CNTN5: variants seen among roughly 807,000 people sequenced by gnomAD.
The protein encoded by CNTN5 is contactin-5.
CNTN5 carries 77 observed loss-of-function variants against 129.1 expected under a neutral mutation model. That is an observed-to-expected ratio of 0.60 (90% CI 0.50 to 0.72). The LOEUF (loss-of-function observed/expected upper bound fraction) is 0.72. CNTN5 is among the 30% of genes least tolerant of loss of function. The pLI is 0.00. For missense variants in CNTN5, 1,478 were observed against 1,328.8 expected (o/e 1.11, Z -1.75); for synonymous variants, 509 against 465.6 (o/e 1.09, Z -1.20).
At chr11:99,233,092 C>T (rs571917073) in intron 1 of CNTN5, among the ~76,000 whole-genome samples, 7 of 152,230 alleles carry the variant, frequency 4.6e-5, no homozygotes, top group Non-Finnish European at 7.4e-5. Context: ...TTACCTGTAG[C>T]GGGCCTTCAA....
At chr11:100,022,339 T>G (rs1056110869) in intron 9 of CNTN5, among the ~76,000 whole-genome samples, 7 of 152,220 alleles carry the variant, frequency 4.6e-5, no homozygotes, top group African/African-American at 1.7e-4. Context: ...CTTAAAGTAG[T>G]TATTGACATG....
intron 20 of CNTN5, among the ~76,000 whole-genome samples, chr11:100,305,270 T>A (rs998733018): frequency 2.0e-5 from 3 of 151,484 alleles, no homozygotes; most frequent in African/African-American, 7.3e-5. Flanking sequence ...AACAGGTCCA[T>A]TACTCCAAAG....
At chr11:99,730,394 A>T (rs1249293348) in intron 3 of CNTN5, among the ~76,000 whole-genome samples, 1 of 152,224 alleles carries the variant, frequency 6.6e-6, no homozygotes, top group East Asian at 1.9e-4. Flanking sequence ...AGAATACTAT[A>T]TTAACTTCGT....
intron 3 of CNTN5, among the ~76,000 whole-genome samples, chr11:99,710,887 A>G (rs1334242639): frequency 1.3e-5 from 2 of 151,928 alleles, no homozygotes; most frequent in Non-Finnish European, 2.9e-5. Flanking sequence ...CATATTTAGA[A>G]CATAACTAAA....
intron 3 of CNTN5, among the ~76,000 whole-genome samples, chr11:99,611,136 C>T (rs748170829): frequency 6.6e-6 from 1 of 152,166 alleles, no homozygotes; most frequent in Non-Finnish European, 1.5e-5. Context: ...CTTAGGCTGT[C>T]ATTTTCCTAT....
chr11:100,355,749 T>C (rs1324815586), intron 24 of CNTN5, among the ~76,000 whole-genome samples: 1 of 151,720 alleles, frequency 6.6e-6, no homozygotes, highest in Non-Finnish European at 1.5e-5. Context: ...TGACTGTAAA[T>C]TATGAATTCA....
At chr11:100,297,604 T>C (rs1342806085) in intron 18 of CNTN5, 21 bp from the exon 19 acceptor site, 1 of 1,592,458 alleles carries the variant, frequency 6.3e-7, no homozygotes, top group African/African-American at 1.3e-5. Flanking sequence ...CTCCTCACTC[T>C]CCACCCATTT....
chr11:99,872,977 G>A (rs964737684), intron 6 of CNTN5, among the ~76,000 whole-genome samples: 1 of 152,012 alleles, frequency 6.6e-6, no homozygotes, highest in African/African-American at 2.4e-5. Flanking sequence ...TTGGTAACAG[G>A]CTGTGTCCAC....
rs200990343 is a variant in CNTN5 at position 99,792,569 on chromosome 11, G to C, written c.56-26975G>C. The stretch of plus-strand genomic sequence containing the variant: ...TGTGTGTGTGTGTGTGTGTGTGTGT[G>C]TGTGTGTCTGTCTGTCTGTCTGTCT... On this transcript the variant is annotated intron_variant, in intron 3 of 24. Coordinates refer to ENST00000524871, the MANE Select transcript of CNTN5 (RefSeq NM_014361.4). 1.7e-3 allele frequency among the ~76,000 whole-genome samples: 131 copies of C among 77,782 alleles called. 1 individual carries two copies. In the South Asian group the frequency reaches 0.024, roughly 14 times the overall value. 51.0% of individuals were successfully genotyped at this position (77,782 alleles called of 152,430 possible).
intron 21 of CNTN5, among the ~76,000 whole-genome samples, chr11:100,314,693 G>A (rs1030370622): frequency 9.2e-5 from 14 of 152,014 alleles, no homozygotes; most frequent in Admixed American, 5.2e-4. Flanking sequence ...GAGAGAAGAC[G>A]GCATCATTAA....
chr11:99,104,314 T>A (rs192170041), intron 1 of CNTN5, among the ~76,000 whole-genome samples: 1 of 152,158 alleles, frequency 6.6e-6, no homozygotes, highest in Admixed American at 6.5e-5. Context: ...GGCTGTCCTG[T>A]GCATTTTTGG....
intron 1 of CNTN5, among the ~76,000 whole-genome samples, chr11:99,110,465 TA>T (rs1857737556): frequency 6.6e-6 from 1 of 152,164 alleles, no homozygotes. Flanking sequence ...GTAAGTATTG[TA>T]AGCAATGTTG....
At chr11:99,996,846 A>C (rs1168704058) in intron 8 of CNTN5, among the ~76,000 whole-genome samples, 2 of 152,116 alleles carry the variant, frequency 1.3e-5, no homozygotes, top group Non-Finnish European at 2.9e-5. Flanking sequence ...CTCAGATTTC[A>C]TGAGAACTCC....
intron 6 of CNTN5, among the ~76,000 whole-genome samples, chr11:99,850,768 A>G (rs999719794): frequency 6.6e-6 from 1 of 152,158 alleles, no homozygotes; most frequent in African/African-American, 2.4e-5. Context: ...AGCAAAAGAA[A>G]GAAAGAAAAA....
At position 100,350,563 on chromosome 11, in the gene CNTN5, C is replaced by A. The variant is rs992909170; in HGVS notation, c.3031-139C>A. ...TGTGTACTTCTACTGCAGTAGACTG[C>A]ACATGTATTACATTTGCTTATGTAT... On this transcript the variant is annotated intron_variant, in intron 23 of 24. Coordinates refer to ENST00000524871, the MANE Select transcript of CNTN5 (RefSeq NM_014361.4). 8.7e-6 allele frequency: 5 copies of A among 573,824 alleles called. No homozygotes were observed. In the Admixed American group the frequency reaches 1.0e-4, roughly 11 times the overall value. 35.5% of individuals were successfully genotyped at this position (573,824 alleles called of 1,614,324 possible).
intron 2 of CNTN5, among the ~76,000 whole-genome samples, chr11:99,529,156 T>A (rs1947603844): frequency 6.6e-6 from 1 of 152,138 alleles, no homozygotes; most frequent in East Asian, 1.9e-4. Flanking sequence ...ACCTTTGTAT[T>A]TGTTCTCTCC....
intron 21 of CNTN5, among the ~76,000 whole-genome samples, chr11:100,323,533 C>T (rs939142967): frequency 6.6e-6 from 1 of 151,950 alleles, no homozygotes; most frequent in Admixed American, 6.6e-5. Flanking sequence ...TCATTTGGGT[C>T]GGGGTTTGTA....
chr11:99,442,857 T>C (rs1384776403), intron 2 of CNTN5, among the ~76,000 whole-genome samples: 1 of 152,126 alleles, frequency 6.6e-6, no homozygotes, highest in Non-Finnish European at 1.5e-5. Flanking sequence ...CTGAGAATAG[T>C]TGGAAATTGA....
At chr11:99,124,778 G>A (rs753143942) in intron 1 of CNTN5, among the ~76,000 whole-genome samples, 13 of 151,588 alleles carry the variant, frequency 8.6e-5, no homozygotes, top group Non-Finnish European at 1.6e-4. Context: ...AATGACAAAG[G>A]GGATATTACC....
Sources: gnomAD v4.1 joint callset for allele counts (sites outside exome capture counted in the v4.1 genomes callset) on GRCh38, gnomAD v4.1.1 for gene constraint, MANE v1.5 for transcripts, NCBI Gene and HGNC (gene_info 2026-07-23, HGNC 2026-07-21) for gene names.